ADGRB3: variants seen among roughly 807,000 people sequenced by gnomAD.
ADGRB3 encodes brain-specific angiogenesis inhibitor 3.
A neutral mutation model predicts 193.4 loss-of-function variants in ADGRB3; 37 were observed. The ratio of observed to expected loss-of-function variants is 0.19; its 90% CI spans 0.15 to 0.25. The LOEUF (loss-of-function observed/expected upper bound fraction) is 0.25. Among genes scored for constraint, ADGRB3 ranks in the 10% least tolerant of loss-of-function variants. The probability of loss-of-function intolerance (pLI) is 1.00; values close to 1 mark genes in which losing one functional copy is unlikely to be tolerated. For synonymous variants in ADGRB3, 690 were observed against 644.2 expected (o/e 1.07, Z -1.08); for missense variants, 1,637 against 1,852.9 (o/e 0.88, Z 2.14).
At chr6:69,254,237 C>A (rs1044448629) in intron 20 of ADGRB3, among the ~76,000 whole-genome samples, 2 of 152,086 alleles carry the variant, frequency 1.3e-5, no homozygotes, top group Non-Finnish European at 2.9e-5. Context: ...TATTTAGCCC[C>A]TTTTAAACTG....
rs566125147 is a variant in ADGRB3, at chr6:68,895,781, T to G, written c.758-34778T>G. Among the ~76,000 whole-genome samples, 3 of 150,376 alleles carry G rather than the reference T, an allele frequency of 2.0e-5. 1 individual carries two copies. The South Asian group carries it at 6.3e-4, about 32-fold the overall frequency. On this transcript the variant is annotated intron_variant, in intron 3 of 31. Transcript: ENST00000370598. ...ATGGAAACTGGGAATTCACATAGTG[T>G]TTTTTTTTCCTCCTGAATTGTCATT...
At chr6:68,866,120 G>A (rs13206627) in intron 3 of ADGRB3, among the ~76,000 whole-genome samples, 43,027 of 151,134 alleles carry the variant, frequency 0.28, 6,937 homozygotes, top group Middle Eastern at 0.51. Context: ...TTGGCACTAA[G>A]TCCCACTCAG....
At chr6:69,236,737 A>C (rs1766275346) in intron 19 of ADGRB3, among the ~76,000 whole-genome samples, 1 of 152,018 alleles carries the variant, frequency 6.6e-6, no homozygotes, top group South Asian at 2.1e-4. Context: ...CATTGTCAGG[A>C]TAGGTGATGT....
At chr6:69,158,718 A>G (rs1253965210) in intron 17 of ADGRB3, among the ~76,000 whole-genome samples, 1 of 152,190 alleles carries the variant, frequency 6.6e-6, no homozygotes. Flanking sequence ...GCTGTCTCTG[A>G]ACCCTGCTTG....
intron 3 of ADGRB3, among the ~76,000 whole-genome samples, chr6:68,811,779 G>C (rs1313285087): frequency 6.6e-6 from 1 of 152,090 alleles, no homozygotes; most frequent in African/African-American, 2.4e-5. Context: ...CGAGGTGGAT[G>C]ATTCTTAAAG....
intron 3 of ADGRB3, among the ~76,000 whole-genome samples, chr6:68,730,702 C>G (rs1456769379): frequency 1.3e-5 from 2 of 151,622 alleles, no homozygotes; most frequent in Non-Finnish European, 3.0e-5. Flanking sequence ...ACTCAAGAGT[C>G]AATTCCATAA....
At chr6:69,274,860 T>C (rs917270534) in intron 20 of ADGRB3, among the ~76,000 whole-genome samples, 1 of 152,078 alleles carries the variant, frequency 6.6e-6, no homozygotes, top group Admixed American at 6.6e-5. Flanking sequence ...AAAACATCAA[T>C]GGAAACTTGG....
chr6:68,940,529 C>T (rs1187609613), intron 5 of ADGRB3, among the ~76,000 whole-genome samples: 5 of 122,760 alleles, frequency 4.1e-5, no homozygotes, highest in African/African-American at 1.5e-4. Flanking sequence ...TTTCTGCAGG[C>T]TAAGGAATGC....
intron 30 of ADGRB3, among the ~76,000 whole-genome samples, chr6:69,375,242 C>T (rs1769790320): frequency 1.3e-5 from 2 of 152,026 alleles, no homozygotes; most frequent in African/African-American, 2.4e-5. Context: ...ATTTTTTATA[C>T]TCTAGGTTTT....
intron 20 of ADGRB3, among the ~76,000 whole-genome samples, chr6:69,279,071 GTATATATATATATATATATATA>G (rs57824884): frequency 0.033 from 2,368 of 71,414 alleles, 123 homozygotes; most frequent in Non-Finnish European, 0.049. Context: ...AAATACATAT[GTATATATATATATATATATATA>G]TATATATATA....
chr6:68,767,116 A>G (rs1766524997), intron 3 of ADGRB3, among the ~76,000 whole-genome samples: 1 of 152,038 alleles, frequency 6.6e-6, no homozygotes. Context: ...TAACTCCTTA[A>G]TTGTATATTT....
chr6:69,354,317 G>A lies in ADGRB3; in HGVS notation c.3544G>A (p.Ala1182Thr). The change falls in exon 27 of 32, where the codon GCT (alanine) becomes ACT (threonine). Residue 1182 changes from alanine (A) to threonine (T), a missense_variant. Ala to Thr is a moderately conservative substitution (Grantham distance 58). Around this residue, in one of 7 missense-constraint regions of ADGRB3, gnomAD observed 116 missense variants for 168.1 expected, o/e 0.69. Transcript: ENST00000370598. Reference protein sequence around the residue: ...DSSSSFPNGHAQIMTDFEKDV... With the variant: ...DSSSSFPNGHTQIMTDFEKDV... ...TTCGAGTTCGTTTCCTAATGGGCAT[G>A]CTCAAATCATGGTGAGTTTTTATTT... 6.2e-7 allele frequency: 1 copy of A among 1,612,634 alleles called. No individual in the cohort carries two copies. Among genetic ancestry groups the A allele is most frequent in the Non-Finnish European group, 8.5e-7 (1 of 1,178,722 alleles).
chr6:68,979,155 T>A (rs1768834977), intron 10 of ADGRB3, among the ~76,000 whole-genome samples: 1 of 151,224 alleles, frequency 6.6e-6, no homozygotes. Flanking sequence ...CCTAACATAA[T>A]ACTAAGCATA....
intron 16 of ADGRB3, among the ~76,000 whole-genome samples, chr6:69,070,486 G>T (rs1371335402): frequency 6.6e-6 from 1 of 152,148 alleles, no homozygotes; most frequent in Non-Finnish European, 1.5e-5. Flanking sequence ...ATGCTTTAAT[G>T]ATCTATTGCA....
chr6:69,076,804 A>G (rs906283646), intron 17 of ADGRB3, among the ~76,000 whole-genome samples: 2 of 151,964 alleles, frequency 1.3e-5, no homozygotes, highest in African/African-American at 4.8e-5. Context: ...ATCAATCCCA[A>G]AAGTAATCCC....
At position 69,196,267 on chromosome 6, in the gene ADGRB3, G is replaced by A. The variant is rs3799052; in HGVS notation, c.2481-37023G>A. Among the ~76,000 whole-genome samples the A allele has an allele frequency of 2.5e-4, 38 of 152,198 alleles. No individual in the cohort carries two copies. The East Asian group carries it at 5.6e-3, about 22-fold the overall frequency. On this transcript the variant is annotated intron_variant, in intron 17 of 31. Coordinates refer to ENST00000370598, the MANE Select transcript of ADGRB3 (RefSeq NM_001704.3). ...CATATGAATTAGCATCCTAATGAGA[G>A]TTTTCCATGTAATAATAGATCTGTC... is the stretch of plus-strand genomic sequence containing the variant.
At chr6:68,974,909 C>G in intron 9 of ADGRB3, 45 bp downstream of exon 9, 1 of 1,488,076 alleles carries the variant, frequency 6.7e-7, no homozygotes, top group Non-Finnish European at 9.4e-7. Flanking sequence ...AATCCCCATC[C>G]AAGAACAGCA....
intron 3 of ADGRB3, among the ~76,000 whole-genome samples, chr6:68,909,944 T>C (rs1256329495): frequency 1.3e-5 from 2 of 152,186 alleles, no homozygotes; most frequent in East Asian, 1.9e-4. Context: ...CTGGGTCAAA[T>C]GGTATTTCTA....
Position 69,040,453 on chromosome 6 carries a change from G to GGTGT in ADGRB3, c.2108-7730_2108-7727dup, listed in dbSNP as rs1352117808. Among the ~76,000 whole-genome samples, 4 of 149,800 alleles carry GGTGT rather than the reference G, an allele frequency of 2.7e-5. No individual in the cohort carries two copies. The Admixed American group carries it at 2.7e-4, about 10-fold the overall frequency. ...AACTTTCACAATATGTAAGTGAATA[G>GGTGT]GTGTGGCTGCATGCCAATAAAACTT... On this transcript the variant is annotated intron_variant, in intron 13 of 31. Transcript: ENST00000370598.
Sources: gnomAD v4.1 joint callset for allele counts (sites outside exome capture counted in the v4.1 genomes callset) on GRCh38, gnomAD v4.1.1 for gene constraint, gnomAD v4.1.1 regional missense constraint, MANE v1.5 for transcripts, NCBI Gene and HGNC (gene_info 2026-07-23, HGNC 2026-07-21) for gene names.